Variants in PDZD8 observed in about 807,000 individuals in gnomAD.
PDZD8 encodes the protein PDZ domain-containing protein 8.
In PDZD8, 14 loss-of-function variants were observed where a neutral mutation model predicts 85.8. That is an observed-to-expected ratio of 0.16 (90% confidence interval 0.11 to 0.26). PDZD8 has a LOEUF of 0.26. Among genes scored for constraint, PDZD8 ranks in the 10% least tolerant of loss-of-function variants. The pLI, the probability that PDZD8 is intolerant of heterozygous loss-of-function variation, is 1.00. For missense variants in PDZD8, 1,197 were observed against 1,424.3 expected (o/e 0.84, Z 2.57); for synonymous variants, 592 against 568.6 (o/e 1.04, Z -0.59).
chr10:117,297,422 A>G (rs980441995), intron 3 of PDZD8, among the ~76,000 whole-genome samples: 3 of 152,192 alleles, frequency 2.0e-5, no homozygotes, highest in African/African-American at 7.2e-5. Flanking sequence ...CCAAAGAGAA[A>G]TGAAAACATG....
intron 1 of PDZD8, among the ~76,000 whole-genome samples, chr10:117,355,474 T>TA (rs1453788622): frequency 1.3e-5 from 2 of 152,168 alleles, no homozygotes; most frequent in African/African-American, 2.4e-5. Flanking sequence ...AAAGAAAGCT[T>TA]ACATTTATAG....
At chr10:117,314,108 T>C (rs1026907459) in intron 3 of PDZD8, 1 of 152,182 alleles carries the variant, frequency 6.6e-6, no homozygotes, top group African/African-American at 2.4e-5. Context: ...GAGTATTTCA[T>C]AGATTCTAAA....
Position 117,284,927 on chromosome 10 carries a change from A to C in PDZD8, c.1806T>G (p.Pro602=). 6.2e-7 allele frequency: 1 copy of C among 1,614,174 alleles called. No individual in the cohort carries two copies. Among genetic ancestry groups the C allele is most frequent in the Non-Finnish European group, 8.5e-7 (1 of 1,180,030 alleles). ...PPRPQAKVPL[P]SADAPNQAEP... ...CTGCCTGATTTGGAGCATCGGCGGAAGGCAAAGGAACTTTCGCTTGTGGTC... is the reference window on the plus strand; with the variant it reads ...CTGCCTGATTTGGAGCATCGGCGGACGGCAAAGGAACTTTCGCTTGTGGTC... Residue 602 remains proline, a synonymous_variant, in exon 5 of 5, where the codon CCT becomes CCG. Transcript: ENST00000334464.
chr10:117,357,766 C>CAAAAAAAAAAAAAAAAAAA (rs767138640), intron 1 of PDZD8, among the ~76,000 whole-genome samples: 1 of 47,470 alleles, frequency 2.1e-5, no homozygotes, highest in African/African-American at 9.2e-5. Context: ...ACTTCATCTC[C>CAAAAAAAAAAAAAAAAAAA]AAAAAAAAAA....
At chr10:117,330,417 C>T (rs1056608878) in intron 2 of PDZD8, among the ~76,000 whole-genome samples, 5 of 152,152 alleles carry the variant, frequency 3.3e-5, no homozygotes, top group African/African-American at 1.2e-4. Flanking sequence ...ATTTCCCCAT[C>T]CAGTCCTGGA....
At chr10:117,303,758 T>C (rs941971387) in intron 3 of PDZD8, among the ~76,000 whole-genome samples, 3 of 152,242 alleles carry the variant, frequency 2.0e-5, no homozygotes, top group Non-Finnish European at 2.9e-5. Flanking sequence ...GAGGCCAACG[T>C]ATAGCTTGGG....
intron 3 of PDZD8, 22 bp downstream of exon 3, chr10:117,318,850 A>C (rs1844175148): frequency 1.4e-6 from 2 of 1,477,184 alleles, no homozygotes; most frequent in African/African-American, 1.4e-5. Context: ...TATAGATATA[A>C]ATCACTGTAA....
intron 2 of PDZD8, 26 bp downstream of exon 2, chr10:117,340,954 T>C (rs372306407): frequency 6.2e-6 from 10 of 1,613,026 alleles, no homozygotes; most frequent in South Asian, 1.1e-5. Flanking sequence ...TCCCGTAACT[T>C]AGTAATGACA....
intron 1 of PDZD8, among the ~76,000 whole-genome samples, chr10:117,358,983 G>C (rs978401071): frequency 5.3e-5 from 8 of 152,116 alleles, no homozygotes; most frequent in African/African-American, 1.9e-4. Flanking sequence ...CACCATGTAT[G>C]ATGGTCCCAG....
At chr10:117,356,009 GT>G (rs1008529116) in intron 1 of PDZD8, among the ~76,000 whole-genome samples, 113 of 151,932 alleles carry the variant, frequency 7.4e-4, no homozygotes, top group African/African-American at 2.6e-3. Flanking sequence ...TTATATGCTC[GT>G]TTTTCTCTTT....
intron 2 of PDZD8, among the ~76,000 whole-genome samples, chr10:117,339,327 G>A (rs530537140): frequency 9.2e-5 from 14 of 152,262 alleles, no homozygotes; most frequent in Admixed American, 5.9e-4. Context: ...AAATGTAGCC[G>A]GAGGATAGTA....
intron 2 of PDZD8, among the ~76,000 whole-genome samples, chr10:117,319,650 A>C (rs1024040361): frequency 3.3e-5 from 5 of 152,262 alleles, no homozygotes; most frequent in African/African-American, 1.2e-4. Context: ...ATTGTCAAGG[A>C]ATACTGGCAT....
At position 117,284,354 on chromosome 10, in the gene PDZD8, G is replaced by C. The variant is rs1844619534; in HGVS notation, c.2379C>G (p.Phe793Leu). ...CTGATTCTCCTTCTTTCAAATATTT[G>C]AAGTGAATAGTAATGTCACCATAGC... Reference protein sequence around the residue: ...KFCYGDITIHFKYLKEGESDH... With the variant: ...KFCYGDITIHLKYLKEGESDH... Residue 793 changes from phenylalanine to leucine, a missense_variant, in exon 5 of 5, where the codon TTC becomes TTG. By Grantham distance (22) the Phe-to-Leu change is conservative. This residue lies in a region of PDZD8 where 418 missense variants were observed against 571.1 expected (regional missense o/e 0.73). Transcript: ENST00000334464. 1 of 1,613,980 alleles carries C rather than the reference G, an allele frequency of 6.2e-7. No individual in the cohort carries two copies. Among genetic ancestry groups the C allele is most frequent in the Admixed American group, 1.7e-5 (1 of 60,002 alleles).
chr10:117,284,872 T>C lies in PDZD8; in HGVS notation c.1861A>G (p.Lys621Glu). The change falls in exon 5 of 5, where the codon AAG becomes GAG. Residue 621 changes from lysine (K) to glutamate (E), a missense_variant. By Grantham distance (56) the Lys-to-Glu change is moderately conservative. Transcript: ENST00000334464. ...TCTACAAGAGGAGGTGGCACCACCT[T>C]CTCTGGCTTTTCAACGAGAACATCT... The part of the protein sequence containing the change: ...EPDVLVEKPE[K>E]VVPPPLVDKS... The C allele has an allele frequency of 2.5e-6, 4 of 1,614,188 alleles. No homozygotes were observed. The highest frequency in any genetic ancestry group is 3.4e-6 in the Non-Finnish European group (4 of 1,180,024).
At chr10:117,310,135 C>T (rs971471508) in intron 3 of PDZD8, among the ~76,000 whole-genome samples, 4 of 152,166 alleles carry the variant, frequency 2.6e-5, no homozygotes, top group African/African-American at 9.7e-5. Flanking sequence ...CTCAAAGATA[C>T]TCAAATAGTC....
At chr10:117,305,706 T>C (rs770813167) in intron 3 of PDZD8, among the ~76,000 whole-genome samples, 3 of 152,192 alleles carry the variant, frequency 2.0e-5, no homozygotes, top group Non-Finnish European at 4.4e-5. Flanking sequence ...TTCAGATTTT[T>C]GGATTTGGAA....
chr10:117,350,326 A>G (rs1218780857), intron 1 of PDZD8, among the ~76,000 whole-genome samples: 2 of 146,258 alleles, frequency 1.4e-5, no homozygotes, highest in East Asian at 4.0e-4. Context: ...GTGCAATGGC[A>G]TGATCTTAGC....
chr10:117,352,676 T>C (rs1844825062), intron 1 of PDZD8, among the ~76,000 whole-genome samples: 1 of 152,184 alleles, frequency 6.6e-6, no homozygotes, highest in African/African-American at 2.4e-5. Context: ...AACTAATTCA[T>C]ATGCCAGCAT....
Position 117,284,835 on chromosome 10 carries a change from TCAG to T in PDZD8, c.1895_1897del (p.Ala632del), listed in dbSNP as rs757616420. ...GGCATCCACATTTTTTGCTTGCTTT[TCAG>T]CAGATTTATCTACAAGAGGAGGTGG... On this transcript the variant is annotated inframe_deletion, in exon 5 of 5. Coordinates refer to ENST00000334464, the MANE Select transcript of PDZD8 (RefSeq NM_173791.5). 1.2e-6 allele frequency: 2 copies of T among 1,614,224 alleles called. No individual in the cohort carries two copies. The highest frequency in any genetic ancestry group is 2.2e-5 in the South Asian group (2 of 91,084).
Sources: gnomAD v4.1 joint callset for allele counts (sites outside exome capture counted in the v4.1 genomes callset) on GRCh38, gnomAD v4.1.1 for gene constraint, gnomAD v4.1.1 regional missense constraint, MANE v1.5 for transcripts, NCBI Gene and HGNC (gene_info 2026-07-23, HGNC 2026-07-21) for gene names.